The following LIPJ variants were observed in gnomAD, a reference collection of about 807,000 sequenced individuals.
LIPJ encodes the protein lipase family member J.
In LIPJ, 33 loss-of-function variants were observed where a neutral mutation model predicts 39.8. The observed-to-expected ratio is 0.83, with a 90% CI of 0.63 to 1.11. The LOEUF (loss-of-function observed/expected upper bound fraction) is 1.11, where lower values mean the gene tolerates loss of function less well. Among genes scored for constraint, LIPJ ranks in the 50% least tolerant of loss-of-function variants. The probability of loss-of-function intolerance (pLI) is 0.00; values close to 1 mark genes in which losing one functional copy is unlikely to be tolerated. For missense variants in LIPJ, 422 were observed against 427.9 expected (o/e 0.99, Z 0.12); for synonymous variants, 128 against 139.2 (o/e 0.92, Z 0.57).
the LIPJ span, among the ~76,000 whole-genome samples, chr10:88,615,278 A>C: frequency 6.6e-6 from 1 of 152,228 alleles, no homozygotes; most frequent in Non-Finnish European, 1.5e-5. Flanking sequence ...AGACTTGAAT[A>C]GGTACTTTGC....
chr10:88,596,668 TTTAAAA>T, intron 7 of LIPJ, 116 bp from the exon 8 acceptor site: 1 of 1,039,152 alleles, frequency 9.6e-7, no homozygotes, highest in East Asian at 2.5e-5. Flanking sequence ...TTTTCCTTTA[TTTAAAA>T]TTTTCAAACT....
rs1402817232 is a variant in LIPJ, at chr10:88,588,895, C to G, written c.-104+1503C>G. On this transcript the variant is annotated intron_variant, in intron 2 of 10. Transcript: ENST00000371939. ...TGCAAATAATAAGGTTAATTTCATT[C>G]AGTTTAAACATTTCCCATTGGTGGT... is the stretch of plus-strand genomic sequence containing the variant. Among the ~76,000 whole-genome samples, 5 of 151,746 alleles carry G rather than the reference C, an allele frequency of 3.3e-5. No homozygotes were observed. In the East Asian group the frequency reaches 9.6e-4, roughly 29 times the overall value.
intron 7 of LIPJ, 34 bp from the exon 8 acceptor site, chr10:88,596,756 A>G: frequency 6.4e-7 from 1 of 1,557,818 alleles, no homozygotes; most frequent in Non-Finnish European, 8.8e-7. Context: ...TATTGTGGTC[A>G]TCCAAATGTG....
chr10:88,594,411 T>C, intron 5 of LIPJ: 1 of 483,954 alleles, frequency 2.1e-6, no homozygotes. Context: ...TTCTACTCTA[T>C]AACTCATATA....
chr10:88,602,550 C>A, intron 8 of LIPJ, 26 bp from the exon 9 acceptor site: 2 of 1,041,662 alleles, frequency 1.9e-6, no homozygotes, highest in Middle Eastern at 2.8e-4. Context: ...TATAAAAATG[C>A]TTTTTTTTTT....
chr10:88,583,005 G>GC, upstream of LIPJ: 1 of 1,551,158 alleles, frequency 6.4e-7, no homozygotes. Flanking sequence ...TTGGGTGCAG[G>GC]CCCACACCAC....
chr10:88,614,829 T>A, the LIPJ span, among the ~76,000 whole-genome samples: 10 of 152,086 alleles, frequency 6.6e-5, no homozygotes, highest in Non-Finnish European at 1.3e-4. Context: ...GTGAAAGATT[T>A]TTGCAAGGAT....
downstream of LIPJ, chr10:88,607,086 G>A: frequency 2.0e-6 from 1 of 490,922 alleles, no homozygotes; most frequent in Non-Finnish European, 3.2e-6. Context: ...TCATCTCAGG[G>A]GAAATGGCAG....
intron 8 of LIPJ, among the ~76,000 whole-genome samples, chr10:88,599,192 A>G (rs1024610574): frequency 1.2e-4 from 18 of 151,686 alleles, no homozygotes; most frequent in African/African-American, 4.1e-4. Flanking sequence ...TTGAGGTACA[A>G]TTGACAAATA....
At chr10:88,583,282 T>G, upstream of LIPJ, 1 of 1,555,898 alleles carries the variant, frequency 6.4e-7, no homozygotes, top group Non-Finnish European at 8.6e-7. Context: ...GCGCTAGCGC[T>G]CTTTGGTTCC....
intron 6 of LIPJ, among the ~76,000 whole-genome samples, chr10:88,595,192 A>C (rs1335093899): frequency 6.6e-6 from 1 of 151,836 alleles, no homozygotes; most frequent in Non-Finnish European, 1.5e-5. Flanking sequence ...GATCAAACTT[A>C]AGAAATGAAC....
chr10:88,616,624 T>A, the LIPJ span, among the ~76,000 whole-genome samples: 1 of 152,186 alleles, frequency 6.6e-6, no homozygotes, highest in Non-Finnish European at 1.5e-5. Context: ...ACAGAAGAAG[T>A]GGACGCCCAC....
chr10:88,604,330 G>C (rs1325184191), intron 9 of LIPJ, among the ~76,000 whole-genome samples: 1 of 152,176 alleles, frequency 6.6e-6, no homozygotes, highest in East Asian at 1.9e-4. Context: ...GAAGTGAGTA[G>C]GCACTGCATG....
downstream of LIPJ, among the ~76,000 whole-genome samples, chr10:88,607,451 G>A (rs1003901520): frequency 3.9e-4 from 60 of 152,256 alleles, no homozygotes; most frequent in African/African-American, 1.3e-3. Flanking sequence ...TAGAGGGGCT[G>A]TGCCTCACTT....
At chr10:88,599,935 T>A (rs1304030251) in intron 8 of LIPJ, among the ~76,000 whole-genome samples, 2 of 151,930 alleles carry the variant, frequency 1.3e-5, no homozygotes, top group Non-Finnish European at 2.9e-5. Flanking sequence ...TCCTGCTATA[T>A]GCTTTTTGTT....
At chr10:88,609,696 C>A (rs1400518310), downstream of LIPJ, among the ~76,000 whole-genome samples, 1 of 151,930 alleles carries the variant, frequency 6.6e-6, no homozygotes, top group African/African-American at 2.4e-5. Flanking sequence ...GTCAAGAGAT[C>A]GGGACCATCC....
chr10:88,614,519 A>C, the LIPJ span, among the ~76,000 whole-genome samples: 1 of 152,174 alleles, frequency 6.6e-6, no homozygotes, highest in Non-Finnish European at 1.5e-5. Flanking sequence ...AAAATGTGTC[A>C]AACCTGTGTA....
downstream of LIPJ, among the ~76,000 whole-genome samples, chr10:88,611,103 C>T (rs911369834): frequency 6.6e-6 from 1 of 152,180 alleles, no homozygotes; most frequent in African/African-American, 2.4e-5. Flanking sequence ...TTTGCAGACA[C>T]TCCCCAGTAC....
intron 9 of LIPJ, among the ~76,000 whole-genome samples, chr10:88,603,949 G>GTATACC (rs1387804029): frequency 6.6e-6 from 1 of 152,070 alleles, no homozygotes; most frequent in East Asian, 1.9e-4. Flanking sequence ...AATATTTATT[G>GTATACC]TATACCTACT....
Sources: allele counts gnomAD v4.1 joint callset (sites outside exome capture counted in the v4.1 genomes callset), GRCh38; gene constraint gnomAD v4.1.1; transcripts MANE v1.5; gene names NCBI Gene and HGNC (gene_info 2026-07-23, HGNC 2026-07-21).